DMD: variants seen among roughly 807,000 people sequenced by gnomAD.
DMD encodes mutant dystrophin.
DMD carries 63 observed loss-of-function variants against 330.1 expected under a neutral mutation model. The ratio of observed to expected loss-of-function variants is 0.19; its 90% confidence interval spans 0.16 to 0.24. The LOEUF is 0.24. Among genes scored for constraint, DMD ranks in the 10% least tolerant of loss-of-function variants. The pLI is 1.00. For missense variants in DMD, 3,344 were observed against 2,684.1 expected (o/e 1.25, Z -5.43); for synonymous variants, 1,223 against 959.8 (o/e 1.27, Z -5.07).
intron 7 of DMD, among the ~76,000 whole-genome samples, chrX:32,731,855 C>A (rs901988426): frequency 1.6e-4 from 18 of 111,916 alleles, no homozygotes; most frequent in African/African-American, 5.5e-4. Flanking sequence ...AGCAGAGCAC[C>A]TCTCCTCCTC....
At position 32,943,298 on chromosome X, in the gene DMD, C is replaced by G. The variant is rs147157359; in HGVS notation, c.93+76841G>C. On this transcript the variant is annotated intron_variant, in intron 2 of 78. Coordinates refer to ENST00000357033, the MANE Select transcript of DMD (RefSeq NM_004006.3). ...TTTATATTCATTAATAAGCATTGTA[C>G]ACTTTTTAAAATTCCAATAAGAAAA... Among the ~76,000 whole-genome samples, 1,048 of 111,191 alleles carry G rather than the reference C, an allele frequency of 9.4e-3. 15 individuals are homozygous for G. Among genetic ancestry groups the G allele is most frequent in the African/African-American group, 0.032 (993 of 30,625 alleles).
chrX:32,911,740 T>G lies in DMD; in HGVS notation c.94-61920A>C, dbSNP rs1170873488. The stretch of plus-strand genomic sequence containing the variant: ...TAGAATTTGGGAGCAAGCAGAATTT[T>G]TAAGTTCGTGAGAATTTAAATTGGT... On this transcript the variant is annotated intron_variant, in intron 2 of 78. Coordinates refer to ENST00000357033, the MANE Select transcript of DMD (RefSeq NM_004006.3). 1.8e-5 allele frequency among the ~76,000 whole-genome samples: 2 copies of G among 111,676 alleles called. 1 individual carries two copies. The highest frequency in any genetic ancestry group is 3.8e-5 in the Non-Finnish European group (2 of 53,187).
intron 13 of DMD, among the ~76,000 whole-genome samples, chrX:32,594,539 A>G (rs1056281122): frequency 3.6e-5 from 4 of 111,250 alleles, no homozygotes; most frequent in African/African-American, 1.3e-4. Context: ...TCTTTCCTGT[A>G]ATTCTTCTAA....
intron 12 of DMD, among the ~76,000 whole-genome samples, chrX:32,612,294 T>C (rs1216184361): frequency 9.0e-6 from 1 of 111,542 alleles, no homozygotes; most frequent in African/African-American, 3.3e-5. Flanking sequence ...TTCCACTTCC[T>C]GTCCACCTTC....
At chrX:31,744,028 T>C (rs905829174) in intron 51 of DMD, among the ~76,000 whole-genome samples, 1 of 110,576 alleles carries the variant, frequency 9.0e-6, no homozygotes, top group Admixed American at 9.7e-5. Flanking sequence ...CATGCCCAGT[T>C]AATTTTTCTA....
chrX:31,315,410 C>G (rs909429023), intron 62 of DMD, among the ~76,000 whole-genome samples: 2 of 111,778 alleles, frequency 1.8e-5, no homozygotes, highest in African/African-American at 6.6e-5. Flanking sequence ...AAGCAAATGG[C>G]TCAAACGAAC....
chrX:32,243,948 G>A (rs1209687561), intron 43 of DMD, among the ~76,000 whole-genome samples: 1 of 48,698 alleles, frequency 2.1e-5, no homozygotes, highest in Admixed American at 3.1e-4. Flanking sequence ...CTAACAAGAG[G>A]AACGAACTTT....
intron 59 of DMD, among the ~76,000 whole-genome samples, chrX:31,460,711 A>G (rs1243687140): frequency 9.0e-6 from 1 of 110,932 alleles, no homozygotes; most frequent in Non-Finnish European, 1.9e-5. Flanking sequence ...CCTTTCGGGT[A>G]GCTGGGACTA....
chrX:31,361,516 C>T (rs2058934555), intron 60 of DMD, among the ~76,000 whole-genome samples: 1 of 111,254 alleles, frequency 9.0e-6, no homozygotes, highest in Admixed American at 9.6e-5. Context: ...GGAAGTGAGA[C>T]AGCAGTGAGG....
At chrX:32,464,467 T>C (rs2098394417) in intron 24 of DMD, 119 bp downstream of exon 24, 3 of 547,600 alleles carry the variant, frequency 5.5e-6, no homozygotes, top group South Asian at 5.4e-5. Flanking sequence ...TCTAGAAACA[T>C]TAAAAAAAAT....
At chrX:32,625,525 G>C (rs929845870) in intron 11 of DMD, among the ~76,000 whole-genome samples, 2 of 111,803 alleles carry the variant, frequency 1.8e-5, no homozygotes, top group East Asian at 5.6e-4. Flanking sequence ...TGTCTATGAG[G>C]AATGACATCC....
chrX:32,368,558 C>A (rs553465849), intron 34 of DMD, among the ~76,000 whole-genome samples: 1 of 111,795 alleles, frequency 8.9e-6, no homozygotes, highest in African/African-American at 3.3e-5. Context: ...ACCATTTTCT[C>A]TGGCTCTAAT....
At chrX:32,678,833 G>C (rs2062154572) in intron 9 of DMD, among the ~76,000 whole-genome samples, 1 of 111,204 alleles carries the variant, frequency 9.0e-6, no homozygotes, top group Admixed American at 9.6e-5. Flanking sequence ...TAAATGACTA[G>C]GAACTTTGAC....
At chrX:31,719,094 C>A (rs1393444846) in intron 52 of DMD, among the ~76,000 whole-genome samples, 1 of 111,744 alleles carries the variant, frequency 8.9e-6, no homozygotes, top group Non-Finnish European at 1.9e-5. Flanking sequence ...AACGGATAAA[C>A]CAACATCAGC....
intron 68 of DMD, among the ~76,000 whole-genome samples, chrX:31,182,253 G>A (rs148613669): frequency 1.3e-3 from 147 of 111,473 alleles, no homozygotes; most frequent in African/African-American, 4.6e-3. Flanking sequence ...AACAATTCTT[G>A]TTACTTAAGG....
At chrX:32,355,079 T>G (rs1019689593) in intron 37 of DMD, among the ~76,000 whole-genome samples, 13 of 111,835 alleles carry the variant, frequency 1.2e-4, no homozygotes, top group Admixed American at 1.9e-4. Context: ...GTTTTATTTC[T>G]TCCATTCCCC....
At chrX:32,755,990 A>G (rs1333540513) in intron 7 of DMD, among the ~76,000 whole-genome samples, 1 of 112,725 alleles carries the variant, frequency 8.9e-6, no homozygotes, top group Non-Finnish European at 1.9e-5. Flanking sequence ...ACTACCTGTC[A>G]TTCAGTTGCA....
chrX:32,996,369 A>T (rs1231473800), intron 2 of DMD, among the ~76,000 whole-genome samples: 1 of 112,102 alleles, frequency 8.9e-6, no homozygotes, highest in African/African-American at 3.2e-5. Context: ...AATATAGTAC[A>T]CATTGTAATA....
intron 7 of DMD, among the ~76,000 whole-genome samples, chrX:32,712,302 C>T (rs894130274): frequency 2.7e-5 from 3 of 111,393 alleles, no homozygotes; most frequent in Admixed American, 1.9e-4. Flanking sequence ...ATCTGCCTAA[C>T]AGTCCATAGC....
Sources: allele counts gnomAD v4.1 joint callset (sites outside exome capture counted in the v4.1 genomes callset), GRCh38; gene constraint gnomAD v4.1.1; transcripts MANE v1.5; gene names NCBI Gene and HGNC (gene_info 2026-07-23, HGNC 2026-07-21).